The following GAS7 variants were observed in gnomAD, a reference collection of about 807,000 sequenced individuals.
GAS7 encodes growth arrest-specific protein 7.
GAS7 carries 28 observed loss-of-function variants against 71.1 expected under a neutral mutation model. That is an observed-to-expected ratio of 0.39 (90% confidence interval 0.29 to 0.54). GAS7 has a LOEUF of 0.54. Among genes scored for constraint, GAS7 ranks in the 20% least tolerant of loss-of-function variants. GAS7 has a pLI of 0.62. For synonymous variants in GAS7, 258 were observed against 245.8 expected (o/e 1.05, Z -0.46); for missense variants, 436 against 627.8 (o/e 0.69, Z 3.27).
intron 9 of GAS7, among the ~76,000 whole-genome samples, chr17:9,927,651 A>G (rs2068059100): frequency 6.6e-6 from 1 of 152,134 alleles, no homozygotes; most frequent in Admixed American, 6.5e-5. Context: ...GTCTCCAAGC[A>G]CTCAGCACAG....
At chr17:10,049,415 T>C (rs546641577) in intron 1 of GAS7, among the ~76,000 whole-genome samples, 24 of 151,986 alleles carry the variant, frequency 1.6e-4, no homozygotes, top group Non-Finnish European at 3.1e-4. Context: ...ATGATCTCAA[T>C]ATGGAAAATA....
At position 9,913,968 on chromosome 17, in the gene GAS7, AC is replaced by A. The variant is rs1260806198; in HGVS notation, c.*3259del. 8.6e-6 allele frequency: 2 copies of A among 232,052 alleles called. No individual in the cohort carries two copies. The highest frequency in any genetic ancestry group is 1.7e-5 in the Non-Finnish European group (2 of 117,418). 14.4% of individuals were successfully genotyped at this position (232,052 alleles called of 1,614,324 possible). ...TCTCAAGAATAGCCCAGACCCGCCC[AC>A]TTTGAATAAACCCAGCTAAGTCCTC... On this transcript the variant is annotated 3_prime_UTR_variant, in exon 14 of 14. Transcript: ENST00000432992.
Position 10,103,053 on chromosome 17 carries a change from G to C in GAS7, c.184-83156C>G, listed in dbSNP as rs1290086076. On this transcript the variant is annotated intron_variant, in intron 1 of 13. Transcript: ENST00000432992. This position sits in a 1 kb window ranked among gnomAD's most constrained non-coding sequence, Gnocchi z 5.5. ...GAAGCTTGTTAGAAATGCAGAATCT[G>C]CATTTTAACAAACCCTGACCGGACG... 1.3e-5 allele frequency among the ~76,000 whole-genome samples: 2 copies of C among 152,134 alleles called. No homozygotes were observed. The highest frequency in any genetic ancestry group is 4.8e-5 in the African/African-American group (2 of 41,432).
chr17:10,115,841 T>A (rs1195198297), intron 1 of GAS7, among the ~76,000 whole-genome samples: 1 of 152,058 alleles, frequency 6.6e-6, no homozygotes, highest in African/African-American at 2.4e-5. Context: ...AGCTCCAATA[T>A]CCAGGCAAAT....
At chr17:10,046,147 C>A (rs2072951501) in intron 1 of GAS7, among the ~76,000 whole-genome samples, 1 of 151,838 alleles carries the variant, frequency 6.6e-6, no homozygotes. Flanking sequence ...TTTTTTAATC[C>A]AGAAAACTGA....
In GAS7 at chr17:9,911,063, TC is replaced by T; in HGVS notation, c.*6164del. ...AAGGGGTTGCTTCCGGTCATCTCCTTCCTAACGGAAGGGAAGGGATGCTAAG... is the reference window on the plus strand; with the variant it reads ...AAGGGGTTGCTTCCGGTCATCTCCTTCTAACGGAAGGGAAGGGATGCTAAG... On this transcript the variant is annotated 3_prime_UTR_variant, in exon 14 of 14. Coordinates refer to ENST00000432992, the MANE Select transcript of GAS7 (RefSeq NM_201433.2). The surrounding 1 kb of genome is among the most constrained non-coding windows in gnomAD (Gnocchi z 4.0). The T allele has an allele frequency of 4.3e-6, 1 of 233,264 alleles. No homozygotes were observed. Among genetic ancestry groups the T allele is most frequent in the Non-Finnish European group, 8.5e-6 (1 of 117,948 alleles). The allele number at this position is 233,264 out of a possible 1,614,324, so 14.4% of individuals were successfully genotyped here.
intron 2 of GAS7, among the ~76,000 whole-genome samples, chr17:10,008,159 G>A (rs2071615330): frequency 6.6e-6 from 1 of 152,104 alleles, no homozygotes; most frequent in Non-Finnish European, 1.5e-5. Context: ...GGTTGCTGCT[G>A]GCCATAATAA....
At chr17:10,013,102 CAAAAAAA>C (rs1207550210) in intron 2 of GAS7, among the ~76,000 whole-genome samples, 3 of 96,820 alleles carry the variant, frequency 3.1e-5, no homozygotes, top group Non-Finnish European at 2.2e-5. Context: ...GACTCTGTCT[CAAAAAAA>C]AAAAAAAAAA....
chr17:10,166,026 C>A (rs201359364), intron 1 of GAS7, among the ~76,000 whole-genome samples: 1 of 116,524 alleles, frequency 8.6e-6, no homozygotes, highest in Non-Finnish European at 1.9e-5. Flanking sequence ...TTTTTTTTTT[C>A]TTTTTCTTTT....
rs867890615 is a variant in GAS7, at chr17:9,976,748, T to C, written c.385+5056A>G. On this transcript the variant is annotated intron_variant, in intron 3 of 13. Transcript: ENST00000432992. Reference sequence around the variant, plus strand: ...TGAGCAAAGCCAGATCCTGAACCCATGTTTCCTGAAACACTCCCACAACCG... The same window carrying C: ...TGAGCAAAGCCAGATCCTGAACCCACGTTTCCTGAAACACTCCCACAACCG... 1.1e-4 allele frequency among the ~76,000 whole-genome samples: 16 copies of C among 152,298 alleles called. No homozygotes were observed. The South Asian group carries it at 2.1e-3, about 20-fold the overall frequency.
At chr17:10,005,868 C>A (rs941782435) in intron 2 of GAS7, among the ~76,000 whole-genome samples, 1 of 152,184 alleles carries the variant, frequency 6.6e-6, no homozygotes, top group African/African-American at 2.4e-5. Flanking sequence ...CCAGTAATCA[C>A]AGACCAGCAC....
At chr17:10,005,050 T>TATATATATACACACACACAC in intron 2 of GAS7, among the ~76,000 whole-genome samples, 1 of 150,158 alleles carries the variant, frequency 6.7e-6, no homozygotes, top group East Asian at 2.0e-4. Context: ...TACATATATA[T>TATATATATACACACACACAC]ACACATATAT....
chr17:10,073,399 C>T (rs749496450), intron 1 of GAS7, among the ~76,000 whole-genome samples: 1 of 152,176 alleles, frequency 6.6e-6, no homozygotes, highest in Non-Finnish European at 1.5e-5. Flanking sequence ...TGGTAACAAT[C>T]CTGGAAGTCA....
intron 6 of GAS7, among the ~76,000 whole-genome samples, chr17:9,946,642 C>A (rs942328164): frequency 3.3e-5 from 5 of 152,200 alleles, no homozygotes; most frequent in Non-Finnish European, 5.9e-5. Flanking sequence ...AATGGCCCCC[C>A]GCTTACCTAC....
chr17:10,039,144 G>A (rs988501184), intron 1 of GAS7, among the ~76,000 whole-genome samples: 10 of 151,768 alleles, frequency 6.6e-5, no homozygotes, highest in East Asian at 3.9e-4. Context: ...GCACAAACAC[G>A]TGGGTATACT....
chr17:10,167,044 C>CTTTTTTTTTTTTTTTTTTTTTTT lies in GAS7; in HGVS notation c.183+31141_183+31163dup, dbSNP rs1164151104. On this transcript the variant is annotated intron_variant, in intron 1 of 13. Coordinates refer to ENST00000432992, the MANE Select transcript of GAS7 (RefSeq NM_201433.2). ...AAACCAATCTACTATTTCCATTTGT[C>CTTTTTTTTTTTTTTTTTTTTTTT]TTTTTTTTTTTTTTTTTTTTTTTTT... 1.2e-4 allele frequency among the ~76,000 whole-genome samples: 7 copies of CTTTTTTTTTTTTTTTTTTTTTTT among 58,818 alleles called. 1 individual carries two copies. The highest frequency in any genetic ancestry group is 1.3e-3 in the South Asian group (2 of 1,486). The allele number at this position is 58,818 out of a possible 152,430, so 38.6% of individuals were successfully genotyped here.
At chr17:9,988,849 C>CT (rs554594604) in intron 2 of GAS7, among the ~76,000 whole-genome samples, 31,607 of 131,640 alleles carry the variant, frequency 0.24, 4,337 homozygotes, top group African/African-American at 0.31. Flanking sequence ...CTGTCATTTC[C>CT]TTTTTTTTTT....
intron 1 of GAS7, among the ~76,000 whole-genome samples, chr17:10,116,896 GA>G (rs778550309): frequency 3.3e-5 from 5 of 151,874 alleles, no homozygotes; most frequent in Non-Finnish European, 5.9e-5. Flanking sequence ...ATGAGGGGGG[GA>G]AAAGAAAAAA....
chr17:10,120,416 G>A (rs1373687237), intron 1 of GAS7, among the ~76,000 whole-genome samples: 1 of 152,180 alleles, frequency 6.6e-6, no homozygotes, highest in Admixed American at 6.5e-5. Context: ...AGACCAGGAC[G>A]GACTCAATCC....
Sources: allele counts gnomAD v4.1 joint callset (sites outside exome capture counted in the v4.1 genomes callset), GRCh38; gene constraint gnomAD v4.1.1; non-coding constraint Gnocchi (gnomAD v3.1); transcripts MANE v1.5; gene names NCBI Gene and HGNC (gene_info 2026-07-23, HGNC 2026-07-21).